Variants in CAPN15 observed in about 807,000 individuals in gnomAD.
The protein encoded by CAPN15 is calpain-15.
A neutral mutation model predicts 97.9 loss-of-function variants in CAPN15; 53 were observed. The ratio of observed to expected loss-of-function variants is 0.54; its 90% CI spans 0.43 to 0.68. CAPN15 has a LOEUF of 0.68. Among genes scored for constraint, CAPN15 ranks in the 30% least tolerant of loss-of-function variants. CAPN15 has a pLI of 0.00. For synonymous variants in CAPN15, 922 were observed against 722.5 expected, an observed-to-expected ratio of 1.28 and a Z score of -4.43; for missense variants, 1,592 against 1,589.8, an observed-to-expected ratio of 1.00 and a Z score of -0.02.
chr16:546,989 G>A lies in CAPN15; in HGVS notation c.151G>A (p.Ala51Thr), dbSNP rs369295076. ...LSVEEQKWPC[A>T]RCTFRNFLGK... ...CGTGGAGGAGCAGAAATGGCCCTGC[G>A]CCCGCTGCACCTTCCGCAACTTCCT... Residue 51 changes from alanine to threonine, a missense_variant, in exon 4 of 14, where the codon GCC becomes ACC. Physicochemically the swap from Ala to Thr is moderately conservative, Grantham distance 58. Coordinates refer to ENST00000219611, the MANE Select transcript of CAPN15 (RefSeq NM_005632.3). The A allele has an allele frequency of 2.0e-5, 33 of 1,609,958 alleles. No individual in the cohort carries two copies. The highest frequency in any genetic ancestry group is 3.3e-5 in the South Asian group (3 of 91,080).
chr16:541,481 C>T (rs963800800), intron 3 of CAPN15, among the ~76,000 whole-genome samples: 3 of 152,190 alleles, frequency 2.0e-5, no homozygotes, highest in African/African-American at 4.8e-5. Context: ...GCCTGGTGGT[C>T]GGCAGAGGAA....
In CAPN15 at chr16:549,154, C is replaced by T; in HGVS notation, c.1611C>T (p.His537=). 6.2e-7 allele frequency: 1 copy of T among 1,611,050 alleles called. No individual in the cohort carries two copies. Among genetic ancestry groups the T allele is most frequent in the Non-Finnish European group, 8.5e-7 (1 of 1,179,822 alleles). ...RDHRATWSVF[H]TLRPSDILQG... is the part of the protein sequence containing the mutation. The stretch of plus-strand genomic sequence containing the variant: ...ACAGGGCCACGTGGTCTGTGTTCCA[C>T]ACACTGCGGCCCTCAGACATCCTGC... The change falls in exon 5 of 14, where the codon CAC becomes CAT. Residue 537 remains histidine (H), a synonymous_variant. Coordinates refer to ENST00000219611, the MANE Select transcript of CAPN15 (RefSeq NM_005632.3).
Position 533,189 on chromosome 16 carries a change from C to A in CAPN15, c.-189-757C>A, listed in dbSNP as rs1308156167. On this transcript the variant is annotated intron_variant, in intron 1 of 13. Coordinates refer to ENST00000219611, the MANE Select transcript of CAPN15 (RefSeq NM_005632.3). ...TGAGCTGAGATTGCACCACTGCACCCCAGCCTGGGTGACAGAGCGAGGCTC... is the reference window on the plus strand; with the variant it reads ...TGAGCTGAGATTGCACCACTGCACCACAGCCTGGGTGACAGAGCGAGGCTC... Among the ~76,000 whole-genome samples the A allele has an allele frequency of 2.0e-5, 3 of 152,136 alleles. No homozygotes were observed. The South Asian group carries it at 6.2e-4, about 32-fold the overall frequency.
chr16:551,704 C>T (rs1173533960), intron 9 of CAPN15, 40 bp downstream of exon 9: 1 of 1,578,104 alleles, frequency 6.3e-7, no homozygotes, highest in East Asian at 2.3e-5. Flanking sequence ...CGCCCCCGCC[C>T]TCCTAGGGCC....
intron 3 of CAPN15, chr16:539,321 T>C (rs1200095073): frequency 6.6e-6 from 1 of 152,272 alleles, no homozygotes; most frequent in Admixed American, 6.5e-5. Context: ...TTGGCCCCAA[T>C]CTTGGCAGGG....
rs532420248 is a variant in CAPN15, at chr16:551,525, C to T, written c.2206C>T (p.Arg736Ter). Reference sequence around the variant, plus strand: ...TGTGGTCTGCAGGCTTCTGCGGCTCCGAAACCCGTGGGGCCGTTTCTCCTG... The same window carrying T: ...TGTGGTCTGCAGGCTTCTGCGGCTCTGAAACCCGTGGGGCCGTTTCTCCTG... ...DVQGTRLLRLRNPWGRFSWNG... is the reference protein window; with the variant it reads ...DVQGTRLLRL The change falls in exon 9 of 14, where the codon CGA (arginine) becomes TGA (stop). Residue 736 changes from arginine to a stop codon, truncating the protein, a stop_gained. Coordinates refer to ENST00000219611, the MANE Select transcript of CAPN15 (RefSeq NM_005632.3). LOFTEE classifies it high-confidence loss of function. 33 of 1,610,408 alleles carry T rather than the reference C, an allele frequency of 2.0e-5. No individual in the cohort carries two copies. Among genetic ancestry groups the T allele is most frequent in the Non-Finnish European group, 2.5e-5 (30 of 1,178,122 alleles).
At position 535,817 on chromosome 16, in the gene CAPN15, G is replaced by A. The variant is rs1310193218; in HGVS notation, c.-136-212G>A. ...ACAGCCTGGCCCACAGCAGAGGCCC[G>A]GGGGGCACATGCAGCTCACGGGAGC... On this transcript the variant is annotated intron_variant, in intron 2 of 13. Coordinates refer to ENST00000219611, the MANE Select transcript of CAPN15 (RefSeq NM_005632.3). The surrounding 1 kb of genome is among the most constrained non-coding windows in gnomAD (Gnocchi z 6.2). Among the ~76,000 whole-genome samples, 7 of 152,008 alleles carry A rather than the reference G, an allele frequency of 4.6e-5. No individual in the cohort carries two copies. Among genetic ancestry groups the A allele is most frequent in the South Asian group, 2.1e-4 (1 of 4,828 alleles).
At chr16:539,839 G>A (rs1237000152) in intron 3 of CAPN15, 2 of 152,236 alleles carry the variant, frequency 1.3e-5, no homozygotes, top group African/African-American at 4.8e-5. Flanking sequence ...TCTCACCAAG[G>A]AATAAAACGT....
intron 9 of CAPN15, 100 bp downstream of exon 9, chr16:551,764 G>T: frequency 6.7e-7 from 1 of 1,493,342 alleles, no homozygotes; most frequent in East Asian, 2.3e-5. Flanking sequence ...CCTGGGGTGG[G>T]GCGGCTTGTT....
At position 548,148 on chromosome 16, in the gene CAPN15, C is replaced by T. The variant is rs1040460461; in HGVS notation, c.1310C>T (p.Thr437Met). ...GCCAAGCACTGCGCCGCCTGCCACA[C>T]GCCTCAGCTCCTGGTGGCCCAGCGG... is the stretch of plus-strand genomic sequence containing the variant. ...LRAKHCAACH[T>M]PQLLVAQRRG... is the part of the protein sequence containing the mutation. Residue 437 changes from threonine to methionine, a missense_variant, in exon 4 of 14, where the codon ACG becomes ATG. Thr to Met is a moderately conservative substitution (Grantham distance 81, BLOSUM62 -1). Coordinates refer to ENST00000219611, the MANE Select transcript of CAPN15 (RefSeq NM_005632.3). 5.9e-6 allele frequency: 9 copies of T among 1,531,184 alleles called. No homozygotes were observed. Among genetic ancestry groups the T allele is most frequent in the East Asian group, 2.5e-5 (1 of 40,434 alleles). The allele number at this position is 1,531,184 out of a possible 1,614,324, so 94.8% of individuals were successfully genotyped here.
chr16:532,270 T>G (rs1459125239), intron 1 of CAPN15, among the ~76,000 whole-genome samples: 1 of 147,988 alleles, frequency 6.8e-6, no homozygotes, highest in Non-Finnish European at 1.5e-5. Context: ...AAAGTAGAAT[T>G]CGGTTGGGCT....
chr16:537,070 G>A (rs1384940928), intron 3 of CAPN15: 68 of 909,506 alleles, frequency 7.5e-5, no homozygotes, highest in Non-Finnish European at 8.5e-5. Flanking sequence ...GAAAAACCCC[G>A]GAGAGGGCTT....
In CAPN15 at chr16:548,090, T is replaced by G. The variant is rs1319364518; in HGVS notation, c.1252T>G (p.Cys418Gly). ...GCCCGAGCGCCCGGGCCAGTGGGCC[T>G]GCCCTGCCTGTACCCTGCTCAACGC... ...VLPERPGQWA[C>G]PACTLLNALR... Residue 418 changes from cysteine (C) to glycine (G), a missense_variant, in exon 4 of 14, where the codon TGC (cysteine) becomes GGC (glycine). Physicochemically the swap from Cys to Gly is radical, Grantham distance 159. This residue lies in a region of CAPN15 where 883 missense variants were observed against 776.6 expected (regional missense o/e 1.14). Transcript: ENST00000219611. 1 of 1,538,020 alleles carries G rather than the reference T, an allele frequency of 6.5e-7. No individual in the cohort carries two copies. Among genetic ancestry groups the G allele is most frequent in the African/African-American group, 1.4e-5 (1 of 72,790 alleles).
At chr16:530,357 G>A (rs1181493044) in intron 1 of CAPN15, among the ~76,000 whole-genome samples, 1 of 152,244 alleles carries the variant, frequency 6.6e-6, no homozygotes, top group Admixed American at 6.5e-5. Flanking sequence ...AGCACCTGGG[G>A]TTGGCCCTCA....
intron 1 of CAPN15, among the ~76,000 whole-genome samples, chr16:530,046 C>T (rs1294471519): frequency 1.3e-5 from 2 of 152,228 alleles, no homozygotes; most frequent in Non-Finnish European, 2.9e-5. Flanking sequence ...AAAGCCCTTC[C>T]GCATCCCTCG....
At chr16:537,227 A>G in intron 3 of CAPN15, 1 of 985,506 alleles carries the variant, frequency 1.0e-6, no homozygotes, top group Non-Finnish European at 1.2e-6. Flanking sequence ...TGGGGCCCAC[A>G]GGGTCAGTTG....
At position 548,048 on chromosome 16, in the gene CAPN15, A is replaced by G. The variant is rs2034724371; in HGVS notation, c.1210A>G (p.Lys404Glu). 1.9e-6 allele frequency: 3 copies of G among 1,556,440 alleles called. No individual in the cohort carries two copies. The highest frequency in any genetic ancestry group is 1.9e-5 in the Admixed American group (1 of 53,968). ...RSCGRVSSAQ[K>E]AARVLPERPG... ...CTGCGGACGGGTGTCCTCGGCCCAG[A>G]AGGCCGCCCGCGTCCTGCCCGAGCG... Residue 404 changes from lysine (K) to glutamate (E), a missense_variant, in exon 4 of 14, where the codon AAG (lysine) becomes GAG (glutamate). By Grantham distance (56) the Lys-to-Glu change is moderately conservative (BLOSUM62 1). Around this residue, in one of 3 missense-constraint regions of CAPN15, gnomAD observed 883 missense variants for 776.6 expected, o/e 1.14. Transcript: ENST00000219611.
rs1366640823 is a variant in CAPN15 at position 552,402 on chromosome 16, C to T, written c.2609C>T (p.Ala870Val). The T allele has an allele frequency of 1.9e-6, 3 of 1,608,134 alleles. No individual in the cohort carries two copies. Among genetic ancestry groups the T allele is most frequent in the African/African-American group, 1.3e-5 (1 of 74,872 alleles). ...GGHLSLGRLL[A>V]HSKRAVKKFV... is the part of the protein sequence containing the mutation. Reference sequence around the variant, plus strand: ...CACCTCAGCCTGGGCCGCCTCCTGGCCCACAGTAAGCGCGCGGTCAAGAAG... The same window carrying T: ...CACCTCAGCCTGGGCCGCCTCCTGGTCCACAGTAAGCGCGCGGTCAAGAAG... Residue 870 changes from alanine (A) to valine (V), a missense_variant, in exon 11 of 14, where the codon GCC (alanine) becomes GTC (valine). By Grantham distance (64) the Ala-to-Val change is moderately conservative. Coordinates refer to ENST00000219611, the MANE Select transcript of CAPN15 (RefSeq NM_005632.3). This position sits in a 1 kb window ranked among gnomAD's most constrained non-coding sequence, Gnocchi z 6.4.
intron 3 of CAPN15, chr16:543,487 A>T (rs987138054): frequency 2.6e-5 from 4 of 152,470 alleles, no homozygotes; most frequent in Non-Finnish European, 4.4e-5. Context: ...GTGGTGTATG[A>T]TGACGCCACG....
Sources: gnomAD v4.1 joint callset for allele counts (sites outside exome capture counted in the v4.1 genomes callset) on GRCh38, gnomAD v4.1.1 for gene constraint, gnomAD v4.1.1 regional missense constraint, Gnocchi (gnomAD v3.1) non-coding constraint, MANE v1.5 for transcripts, NCBI Gene and HGNC (gene_info 2026-07-23, HGNC 2026-07-21) for gene names.